EDN1: variants seen among roughly 807,000 people sequenced by gnomAD.
EDN1 encodes the protein endothelin-1.
EDN1 carries 11 observed loss-of-function variants against 21.7 expected under a neutral mutation model. That is an observed-to-expected ratio of 0.51 (90% CI 0.32 to 0.84). The LOEUF is 0.84. Among genes scored for constraint, EDN1 ranks in the 40% least tolerant of loss-of-function variants. EDN1 has a pLI of 0.03. For synonymous variants in EDN1, 85 were observed against 90.6 expected, an observed-to-expected ratio of 0.94 and a Z score of 0.35; for missense variants, 244 against 262.3, an observed-to-expected ratio of 0.93 and a Z score of 0.48.
the EDN1 span, among the ~76,000 whole-genome samples, chr6:12,271,760 G>A: frequency 9.2e-5 from 14 of 152,124 alleles, no homozygotes; most frequent in African/African-American, 3.4e-4. Flanking sequence ...CTGGTCTAGC[G>A]GTGATGAATT....
upstream of EDN1, among the ~76,000 whole-genome samples, chr6:12,288,568 G>T (rs1762604628): frequency 6.6e-6 from 1 of 152,096 alleles, no homozygotes; most frequent in African/African-American, 2.4e-5. Flanking sequence ...CTGGGTGTGG[G>T]TGTGGGTGTG....
At chr6:12,283,487 C>T in the EDN1 span, among the ~76,000 whole-genome samples, 1 of 152,056 alleles carries the variant, frequency 6.6e-6, no homozygotes, top group Non-Finnish European at 1.5e-5. Context: ...TGAACTCATA[C>T]AATATTTCCT....
chr6:12,288,151 G>A (rs983552472), upstream of EDN1, among the ~76,000 whole-genome samples: 12 of 152,108 alleles, frequency 7.9e-5, no homozygotes, highest in Non-Finnish European at 1.5e-4. Flanking sequence ...GAATATTGGG[G>A]AGGGCATGGG....
upstream of EDN1, among the ~76,000 whole-genome samples, chr6:12,289,721 T>C (rs879287158): frequency 2.6e-5 from 4 of 152,192 alleles, no homozygotes; most frequent in Non-Finnish European, 2.9e-5. Flanking sequence ...CGAGCTCTGA[T>C]GTTATTTTTA....
At chr6:12,284,824 A>G in the EDN1 span, among the ~76,000 whole-genome samples, 2 of 152,174 alleles carry the variant, frequency 1.3e-5, no homozygotes, top group South Asian at 2.1e-4. Flanking sequence ...CCGTATTTCT[A>G]TGAAACCTTC....
At chr6:12,273,647 AG>A in the EDN1 span, among the ~76,000 whole-genome samples, 1 of 147,340 alleles carries the variant, frequency 6.8e-6, no homozygotes, top group African/African-American at 2.5e-5. Context: ...TTACCTGCAA[AG>A]TTCCTAGTCC....
the EDN1 span, among the ~76,000 whole-genome samples, chr6:12,248,093 C>T: frequency 6.6e-6 from 1 of 151,876 alleles, no homozygotes; most frequent in Admixed American, 6.6e-5. Flanking sequence ...ATGGATATTC[C>T]TCACAAGTCT....
upstream of EDN1, among the ~76,000 whole-genome samples, chr6:12,289,878 G>A (rs115447815): frequency 2.3e-3 from 351 of 152,286 alleles, no homozygotes; most frequent in Middle Eastern, 3.4e-3. Context: ...GCAGTGACGA[G>A]GGAGAGCATT....
the EDN1 span, among the ~76,000 whole-genome samples, chr6:12,280,864 G>T: frequency 6.6e-6 from 1 of 152,178 alleles, no homozygotes; most frequent in East Asian, 1.9e-4. Context: ...CTGCACTCCA[G>T]CCTGGGCAAC....
At chr6:12,243,636 A>T in the EDN1 span, among the ~76,000 whole-genome samples, 4 of 152,216 alleles carry the variant, frequency 2.6e-5, no homozygotes, top group African/African-American at 9.6e-5. Context: ...ACATACATAC[A>T]TAAAATGAAT....
At chr6:12,270,467 A>G in the EDN1 span, among the ~76,000 whole-genome samples, 4 of 151,972 alleles carry the variant, frequency 2.6e-5, no homozygotes, top group African/African-American at 9.7e-5. Context: ...AGGTTTTGGT[A>G]TATTGTATTT....
At chr6:12,250,142 C>T in the EDN1 span, among the ~76,000 whole-genome samples, 2 of 151,336 alleles carry the variant, frequency 1.3e-5, no homozygotes, top group Admixed American at 1.3e-4. Flanking sequence ...TAACCTGATC[C>T]CTCAGAAGCA....
At chr6:12,268,587 T>C in the EDN1 span, among the ~76,000 whole-genome samples, 1 of 152,150 alleles carries the variant, frequency 6.6e-6, no homozygotes, top group East Asian at 1.9e-4. Context: ...TTCCTCAATA[T>C]GTGTTCTTGG....
chr6:12,277,561 C>T, the EDN1 span, among the ~76,000 whole-genome samples: 5 of 152,082 alleles, frequency 3.3e-5, no homozygotes, highest in South Asian at 2.1e-4. Context: ...GTCTTGCAGA[C>T]GAAAACAATG....
chr6:12,252,602 G>A, the EDN1 span, among the ~76,000 whole-genome samples: 1 of 152,288 alleles, frequency 6.6e-6, no homozygotes, highest in South Asian at 2.1e-4. Flanking sequence ...GAACTTTCAG[G>A]ACTTGATAAT....
At chr6:12,236,295 T>G in the EDN1 span, among the ~76,000 whole-genome samples, 3 of 152,220 alleles carry the variant, frequency 2.0e-5, no homozygotes, top group Non-Finnish European at 4.4e-5. Flanking sequence ...CAATTTTTTT[T>G]TTTTTAGAAG....
At chr6:12,287,807 GAC>G (rs760676692), upstream of EDN1, among the ~76,000 whole-genome samples, 39 of 150,934 alleles carry the variant, frequency 2.6e-4, no homozygotes, top group Non-Finnish European at 5.2e-4. Context: ...GATTCAAAGA[GAC>G]AGGGGCACCA....
At chr6:12,243,933 C>T in the EDN1 span, among the ~76,000 whole-genome samples, 1 of 152,098 alleles carries the variant, frequency 6.6e-6, no homozygotes, top group Non-Finnish European at 1.5e-5. Context: ...TATTTAGTTA[C>T]TCGTGATGGA....
chr6:12,290,426 C>T lies in EDN1; in HGVS notation c.-204C>T. Reference sequence around the variant, plus strand: ...GCCTCCTGCAGTCCCAGCTCTCCACCGCCGCGTGCGCCTGCAGACGCTCCG... The same window carrying T: ...GCCTCCTGCAGTCCCAGCTCTCCACTGCCGCGTGCGCCTGCAGACGCTCCG... On this transcript the variant is annotated 5_prime_UTR_variant, in exon 1 of 5. Transcript: ENST00000379375. 2 of 595,928 alleles carry T rather than the reference C, an allele frequency of 3.4e-6. No individual in the cohort carries two copies. Among genetic ancestry groups the T allele is most frequent in the Non-Finnish European group, 6.0e-6 (2 of 335,708 alleles). The allele number at this position is 595,928 out of a possible 1,614,324, so 36.9% of individuals were successfully genotyped here. A position where few individuals can be genotyped will look rare whatever the true frequency, so the allele number is the denominator to read the frequency against.
Sources: gnomAD v4.1 joint callset for allele counts (sites outside exome capture counted in the v4.1 genomes callset) on GRCh38, gnomAD v4.1.1 for gene constraint, MANE v1.5 for transcripts, NCBI Gene and HGNC (gene_info 2026-07-23, HGNC 2026-07-21) for gene names.